MIB2: variants seen among roughly 807,000 people sequenced by gnomAD.
MIB2 encodes MIB E3 ubiquitin protein ligase 2, also known as E3 ubiquitin-protein ligase MIB2.
A neutral mutation model predicts 96.6 loss-of-function variants in MIB2; 78 were observed. The observed-to-expected ratio is 0.81, with a 90% CI of 0.67 to 0.97. The LOEUF is 0.97. Ranked by LOEUF, MIB2 falls within the 50% of genes least tolerant of loss-of-function variation. The pLI, the probability that MIB2 is intolerant of heterozygous loss-of-function variation, is 0.00. For synonymous variants in MIB2, 820 were observed against 629.5 expected (o/e 1.30, Z -4.53); for missense variants, 1,543 against 1,424.0 (o/e 1.08, Z -1.35).
rs762654049 is a variant in MIB2 at position 1,629,721 on chromosome 1, G to GC, written c.2629+22dup. The GC allele has an allele frequency of 1.3e-5, 21 of 1,572,278 alleles. No individual in the cohort carries two copies. In the African/African-American group the frequency reaches 2.6e-4, roughly 20 times the overall value. On this transcript the variant is annotated intron_variant, in intron 19 of 19. Transcript: ENST00000355826. Reference sequence around the variant, plus strand: ...TGCGCCCAGGTGGGTGAGGCTCTGCGCCCCCAACACGCCTCCTGCTCAGCT... The same window carrying GC: ...TGCGCCCAGGTGGGTGAGGCTCTGCGCCCCCCAACACGCCTCCTGCTCAGCT...
intron 2 of MIB2, chr1:1,618,344 A>G (rs1457271541): frequency 6.6e-6 from 1 of 152,440 alleles, no homozygotes; most frequent in African/African-American, 2.4e-5. Flanking sequence ...CCTGCTCTCC[A>G]GGAAGGAATG....
chr1:1,629,577 GGC>G lies in MIB2; in HGVS notation c.2563+12_2563+13del. ...GCACCGTGTGTGAGGGTGAGTGGGG[GGC>G]CCCGGGGTGGGGAGGCCCGGCTAGT... On this transcript the variant is annotated intron_variant, in intron 18 of 19. Coordinates refer to ENST00000355826, the MANE Select transcript of MIB2 (RefSeq NM_001170687.4). 2 of 1,560,248 alleles carry G rather than the reference GGC, an allele frequency of 1.3e-6. No individual in the cohort carries two copies. The highest frequency in any genetic ancestry group is 1.9e-5 in the Admixed American group (1 of 53,040).
In MIB2 at chr1:1,615,508, G is replaced by T; in HGVS notation, c.-255G>T. 2 of 1,529,394 alleles carry T rather than the reference G, an allele frequency of 1.3e-6. No homozygotes were observed. The highest frequency in any genetic ancestry group is 1.7e-6 in the Non-Finnish European group (2 of 1,144,738). The allele number at this position is 1,529,394 out of a possible 1,614,324, so 94.7% of individuals were successfully genotyped here. A position where few individuals can be genotyped will look rare whatever the true frequency, so the allele number is the denominator to read the frequency against. On this transcript the variant is annotated 5_prime_UTR_variant, in exon 1 of 20. Coordinates refer to ENST00000355826, the MANE Select transcript of MIB2 (RefSeq NM_001170687.4). Reference sequence around the variant, plus strand: ...GCGGGCCCTGGGCTCCCGCCCTTCGGGTCCCACAGTTTCCAGCCGCCGCTC... The same window carrying T: ...GCGGGCCCTGGGCTCCCGCCCTTCGTGTCCCACAGTTTCCAGCCGCCGCTC...
At chr1:1,615,938 G>A (rs1173237116) in intron 1 of MIB2, 7 of 989,906 alleles carry the variant, frequency 7.1e-6, no homozygotes, top group Non-Finnish European at 8.4e-6. Context: ...GTGGGCTGCG[G>A]CGCGCGGCAG....
upstream of MIB2, chr1:1,615,072 A>C (rs527752562): frequency 3.7e-4 from 87 of 233,222 alleles, no homozygotes; most frequent in African/African-American, 1.7e-3. Context: ...ATTGTTCAGA[A>C]ACGCGGAGAC....
At chr1:1,619,798 C>G (rs1644091453) in intron 2 of MIB2, among the ~76,000 whole-genome samples, 3 of 152,206 alleles carry the variant, frequency 2.0e-5, no homozygotes, top group Admixed American at 6.5e-5. Context: ...GGAGGAAGCC[C>G]TGCCTGTGTT....
rs763552456 is a variant in MIB2 at position 1,628,081 on chromosome 1, T to C, written c.1743T>C (p.Ile581=). The part of the protein sequence containing the change: ...AISAGTGASG[I]VEVLTEVPNI... ...CGGCGGGCACTGGAGCCAGCGGCAT[T>C]GTCGAGGTCCTCACGGAGGTGCCAA... Residue 581 remains isoleucine (I), a synonymous_variant, in exon 14 of 20, where the codon ATT becomes ATC. Transcript: ENST00000355826. 9.3e-6 allele frequency: 15 copies of C among 1,613,108 alleles called. No individual in the cohort carries two copies. The highest frequency in any genetic ancestry group is 3.3e-5 in the Admixed American group (2 of 60,004).
At position 1,626,521 on chromosome 1, in the gene MIB2, TCGGGGTCGGGGC is replaced by T. The variant is rs1253970996; in HGVS notation, c.973-123_973-112del. ...CCAGAGCCTCTGGCAGTGCCTGGGG[TCGGGGTCGGGGC>T]CGGGGCCGAGTCAGGCCTGCCTGTC... On this transcript the variant is annotated intron_variant, in intron 8 of 19. Transcript: ENST00000355826. The surrounding 1 kb of genome is among the most constrained non-coding windows in gnomAD (Gnocchi z 5.3). 8.1e-6 allele frequency: 6 copies of T among 742,176 alleles called. No homozygotes were observed. Among genetic ancestry groups the T allele is most frequent in the African/African-American group, 7.1e-5 (4 of 56,176 alleles). 46.0% of individuals were successfully genotyped at this position (742,176 alleles called of 1,614,324 possible). A position where few individuals can be genotyped will look rare whatever the true frequency, so the allele number is the denominator to read the frequency against.
chr1:1,629,090 T>TGCCCCGGCGCCCGCCC lies in MIB2; in HGVS notation c.2203-42_2203-27dup. 3 of 1,401,744 alleles carry TGCCCCGGCGCCCGCCC rather than the reference T, an allele frequency of 2.1e-6. No individual in the cohort carries two copies. In the South Asian group the frequency reaches 4.7e-5, roughly 22 times the overall value. The allele number at this position is 1,401,744 out of a possible 1,614,324, so 86.8% of individuals were successfully genotyped here. A position where few individuals can be genotyped will look rare whatever the true frequency, so the allele number is the denominator to read the frequency against. ...TGCCAGGAGACGCCTCCCTCGGGCC[T>TGCCCCGGCGCCCGCCC]GCCCCGGCGCCCGCCCTCACCGGCG... is the stretch of plus-strand genomic sequence containing the variant. On this transcript the variant is annotated intron_variant, in intron 16 of 19. Coordinates refer to ENST00000355826, the MANE Select transcript of MIB2 (RefSeq NM_001170687.4).
intron 1 of MIB2, 43 bp from the exon 2 acceptor site, chr1:1,616,465 C>A: frequency 1.5e-6 from 2 of 1,368,740 alleles, no homozygotes; most frequent in South Asian, 2.7e-5. Flanking sequence ...AGCCGCGGGT[C>A]GAGGTGCTAA....
Position 1,629,705 on chromosome 1 carries a change from G to A in MIB2, c.2629+1G>A. On this transcript the variant is annotated splice_donor_variant, in intron 19 of 19. Coordinates refer to ENST00000355826, the MANE Select transcript of MIB2 (RefSeq NM_001170687.4). LOFTEE classifies it high-confidence loss of function. The stretch of plus-strand genomic sequence containing the variant: ...GTCGTCAGCAAGAAACTGCGCCCAG[G>A]TGGGTGAGGCTCTGCGCCCCCAACA... The A allele has an allele frequency of 6.3e-7, 1 of 1,592,848 alleles. No individual in the cohort carries two copies. The highest frequency in any genetic ancestry group is 8.5e-7 in the Non-Finnish European group (1 of 1,170,180).
chr1:1,630,318 C>A lies in MIB2; in HGVS notation c.2656C>A (p.Pro886Thr), dbSNP rs1355420158. Residue 886 changes from proline (P) to threonine (T), a missense_variant, in exon 20 of 20, where the codon CCC (proline) becomes ACC (threonine). Physicochemically the swap from Pro to Thr is conservative, Grantham distance 38 (BLOSUM62 -1). Coordinates refer to ENST00000355826, the MANE Select transcript of MIB2 (RefSeq NM_001170687.4). ...CGGCTCTGAGGTGGCGAGCGCCGCC[C>A]CCGCCCCCGGCCCGCCGCGCCAGCT... ...PDGSEVASAAPAPGPPRQLVE... is the reference protein window; with the variant it reads ...PDGSEVASAATAPGPPRQLVE... The A allele has an allele frequency of 6.5e-7, 1 of 1,530,830 alleles. No homozygotes were observed. The highest frequency in any genetic ancestry group is 1.2e-5 in the South Asian group (1 of 83,154). 94.8% of individuals were successfully genotyped at this position (1,530,830 alleles called of 1,614,324 possible). A position where few individuals can be genotyped will look rare whatever the true frequency, so the allele number is the denominator to read the frequency against.
In MIB2 at chr1:1,627,806, C is replaced by T. The variant is rs754452441; in HGVS notation, c.1657C>T (p.Arg553Cys). 20 of 1,599,014 alleles carry T rather than the reference C, an allele frequency of 1.3e-5. No individual in the cohort carries two copies. The highest frequency in any genetic ancestry group is 1.2e-4 in the African/African-American group (9 of 74,864). ...FLEVVRALCE[R>C]GCDVNLPDAH... ...GGAGGTGGTGCGGGCCCTGTGTGAG[C>T]GCGGCTGTGACGTCAACCTGCCCGT... The change falls in exon 13 of 20, where the codon CGC (arginine) becomes TGC (cysteine). Residue 553 changes from arginine to cysteine, a missense_variant. Physicochemically the swap from Arg to Cys is radical, Grantham distance 180. Coordinates refer to ENST00000355826, the MANE Select transcript of MIB2 (RefSeq NM_001170687.4).
rs74047808 is a variant in MIB2 at position 1,626,711 on chromosome 1, G to A, written c.1034G>A (p.Arg345Gln). ...RVIGDLDTVKRLQAGHGEWTD... is the reference protein window; with the variant it reads ...RVIGDLDTVKQLQAGHGEWTD... The stretch of plus-strand genomic sequence containing the variant: ...ATCGGCGACCTTGACACAGTGAAGC[G>A]GCTGCAGGCTGGGCATGGCGAGTGG... The change falls in exon 9 of 20, where the codon CGG becomes CAG. Residue 345 changes from arginine (R) to glutamine (Q), a missense_variant. Coordinates refer to ENST00000355826, the MANE Select transcript of MIB2 (RefSeq NM_001170687.4). This position sits in a 1 kb window ranked among gnomAD's most constrained non-coding sequence, Gnocchi z 5.3. 1,540 of 1,601,618 alleles carry A rather than the reference G, an allele frequency of 9.6e-4. 15 individuals carry two copies. The African/African-American group carries it at 0.018, about 19-fold the overall frequency.
Position 1,623,942 on chromosome 1 carries a change from G to T in MIB2, c.416G>T (p.Arg139Leu), listed in dbSNP as rs367615032. The change falls in exon 4 of 20, where the codon CGC (arginine) becomes CTC (leucine). Residue 139 changes from arginine to leucine, a missense_variant. Physicochemically the swap from Arg to Leu is moderately radical, Grantham distance 102 (BLOSUM62 -2). Transcript: ENST00000355826. ...AFDRYETAHSRPVTLSPRQGL... is the reference protein window; with the variant it reads ...AFDRYETAHSLPVTLSPRQGL... ...GACCGCTACGAGACCGCTCACTCGCGCCCGTGAGTCCCGGGCCGCACCGGC... is the reference window on the plus strand; with the variant it reads ...GACCGCTACGAGACCGCTCACTCGCTCCCGTGAGTCCCGGGCCGCACCGGC... 1.9e-6 allele frequency: 3 copies of T among 1,605,144 alleles called. No individual in the cohort carries two copies. In the South Asian group the frequency reaches 3.3e-5, roughly 18 times the overall value.
At position 1,629,434 on chromosome 1, in the gene MIB2, G is replaced by T; in HGVS notation, c.2431G>T (p.Gly811Trp). 6.7e-7 allele frequency: 1 copy of T among 1,491,740 alleles called. No individual in the cohort carries two copies. The allele number at this position is 1,491,740 out of a possible 1,614,324, so 92.4% of individuals were successfully genotyped here. Residue 811 changes from glycine to tryptophan, a missense_variant, in exon 18 of 20, where the codon GGG becomes TGG. Physicochemically the swap from Gly to Trp is radical, Grantham distance 184 (BLOSUM62 -2). Transcript: ENST00000355826. ...GGCCCCGGGCCCCAGGCAAACGCTC[G>T]GGACCCCCAACACCGTGACGAACCT... is the stretch of plus-strand genomic sequence containing the variant. ...GAAPGPRQTL[G>W]TPNTVTNLHV...
At chr1:1,629,830 C>T in intron 19 of MIB2, 126 bp downstream of exon 19, 1 of 1,074,016 alleles carries the variant, frequency 9.3e-7, no homozygotes, top group Non-Finnish European at 1.3e-6. Context: ...CCCGCCCTCC[C>T]AAGGCTCACA....
Position 1,623,859 on chromosome 1 carries a change from C to T in MIB2, c.333C>T (p.Asp111=), listed in dbSNP as rs200757265. 135 of 1,611,594 alleles carry T rather than the reference C, an allele frequency of 8.4e-5. 1 individual carries two copies. Among genetic ancestry groups the T allele is most frequent in the Non-Finnish European group, 9.6e-5 (113 of 1,179,470 alleles). Residue 111 remains aspartate (D), a synonymous_variant, in exon 4 of 20, where the codon GAC becomes GAT. Transcript: ENST00000355826. Reference sequence around the variant, plus strand: ...GCTGGAAGTGCCGTGTGTGCCTGGACTACGACCTCTGCACGCAGTGCTACA... The same window carrying T: ...GCTGGAAGTGCCGTGTGTGCCTGGATTACGACCTCTGCACGCAGTGCTACA... ...GMRWKCRVCL[D]YDLCTQCYMH...
Position 1,625,025 on chromosome 1 carries a change from C to T in MIB2, c.561C>T (p.Ile187=). Reference sequence around the variant, plus strand: ...GGAAACCGGGCCGTGTGGTGGACATCCGTGGCTGGGATGTGGAGACAGGCC... The same window carrying T: ...GGAAACCGGGCCGTGTGGTGGACATTCGTGGCTGGGATGTGGAGACAGGCC... ...GEGKPGRVVD[I]RGWDVETGRS... The change falls in exon 6 of 20, where the codon ATC becomes ATT. Residue 187 remains isoleucine (I), a synonymous_variant. Coordinates refer to ENST00000355826, the MANE Select transcript of MIB2 (RefSeq NM_001170687.4). This position sits in a 1 kb window ranked among gnomAD's most constrained non-coding sequence, Gnocchi z 5.0. 3 of 1,612,968 alleles carry T rather than the reference C, an allele frequency of 1.9e-6. No individual in the cohort carries two copies. Among genetic ancestry groups the T allele is most frequent in the Non-Finnish European group, 2.5e-6 (3 of 1,179,864 alleles).
Sources: gnomAD v4.1 joint callset for allele counts (sites outside exome capture counted in the v4.1 genomes callset) on GRCh38, gnomAD v4.1.1 for gene constraint, Gnocchi (gnomAD v3.1) non-coding constraint, MANE v1.5 for transcripts, NCBI Gene and HGNC (gene_info 2026-07-23, HGNC 2026-07-21) for gene names.